Variants in ANKRD22 observed in about 807,000 individuals in gnomAD.
The protein encoded by ANKRD22 is ankyrin repeat domain-containing protein 22.
A neutral mutation model predicts 25.7 loss-of-function variants in ANKRD22; 24 were observed. The observed-to-expected ratio is 0.93, with a 90% CI of 0.68 to 1.31. ANKRD22 has a LOEUF of 1.31. Ranked by LOEUF, ANKRD22 falls within the 50% of genes most tolerant of loss-of-function variation. The pLI is 0.00. For missense variants in ANKRD22, 214 were observed against 227.1 expected (o/e 0.94, Z 0.37); for synonymous variants, 84 against 84.3 (o/e 1.00, Z 0.02).
At chr10:88,844,855 T>C (rs1413094122) in intron 1 of ANKRD22, among the ~76,000 whole-genome samples, 2 of 152,138 alleles carry the variant, frequency 1.3e-5, no homozygotes, top group Non-Finnish European at 2.9e-5. Context: ...AAATGACTTA[T>C]TTTTCCCCTT....
intron 1 of ANKRD22, among the ~76,000 whole-genome samples, chr10:88,847,638 T>C (rs1024123953): frequency 4.2e-5 from 6 of 143,276 alleles, no homozygotes; most frequent in African/African-American, 1.7e-4. Flanking sequence ...TTCTGTGTTA[T>C]AAGTATACAT....
chr10:88,839,968 C>T (rs780474880), intron 1 of ANKRD22, among the ~76,000 whole-genome samples: 3 of 152,130 alleles, frequency 2.0e-5, no homozygotes, highest in Non-Finnish European at 4.4e-5. Flanking sequence ...CCTGGTGATT[C>T]TGATGCACAG....
chr10:88,832,497 A>G (rs1843914913), intron 1 of ANKRD22, among the ~76,000 whole-genome samples: 1 of 151,678 alleles, frequency 6.6e-6, no homozygotes, highest in African/African-American at 2.4e-5. Context: ...ATCTTTAGTA[A>G]AGACAAAATG....
intron 1 of ANKRD22, among the ~76,000 whole-genome samples, chr10:88,847,415 C>T (rs1382465387): frequency 6.6e-6 from 1 of 152,072 alleles, no homozygotes; most frequent in African/African-American, 2.4e-5. Flanking sequence ...CATGCCTCCA[C>T]ACCCAGCTAA....
Position 88,820,052 on chromosome 10 carries a change from A to G in ANKRD22, c.*2889T>C, listed in dbSNP as rs1208830040. On this transcript the variant is annotated 3_prime_UTR_variant, in exon 6 of 6. Transcript: ENST00000371930. ...GAAGAAACTGAGGTTCAATAATGTT[A>G]AGTAATTTTACCTTAAAGTAAGGGC... is the stretch of plus-strand genomic sequence containing the variant. Among the ~76,000 whole-genome samples, 1 of 152,238 alleles carries G rather than the reference A, an allele frequency of 6.6e-6. No individual in the cohort carries two copies. Among genetic ancestry groups the G allele is most frequent in the Non-Finnish European group, 1.5e-5 (1 of 68,038 alleles).
At chr10:88,832,601 G>A (rs1409479850) in intron 1 of ANKRD22, among the ~76,000 whole-genome samples, 2 of 151,474 alleles carry the variant, frequency 1.3e-5, no homozygotes, top group South Asian at 2.1e-4. Flanking sequence ...GGAGTTTAGG[G>A]CAGTACTAGT....
At chr10:88,844,701 A>AT (rs34443633) in intron 1 of ANKRD22, among the ~76,000 whole-genome samples, 62,930 of 151,672 alleles carry the variant, frequency 0.41, 14,201 homozygotes, top group African/African-American at 0.61. Context: ...GATAATCTAG[A>AT]TTTCCTTTAA....
intron 1 of ANKRD22, among the ~76,000 whole-genome samples, chr10:88,843,579 G>C (rs1844022484): frequency 6.6e-6 from 1 of 152,106 alleles, no homozygotes; most frequent in Non-Finnish European, 1.5e-5. Context: ...GTGGACTTTA[G>C]GGTTCCAGGA....
intron 4 of ANKRD22, among the ~76,000 whole-genome samples, chr10:88,824,118 C>T (rs924659791): frequency 6.6e-6 from 1 of 152,238 alleles, no homozygotes; most frequent in Non-Finnish European, 1.5e-5. Flanking sequence ...GTCGGGTGCT[C>T]TTGCTGCAGG....
chr10:88,843,256 C>T (rs1844019194), intron 1 of ANKRD22, among the ~76,000 whole-genome samples: 1 of 152,142 alleles, frequency 6.6e-6, no homozygotes, highest in Admixed American at 6.6e-5. Context: ...AAGAAATTCT[C>T]ATTCACATAT....
chr10:88,820,425 T>G lies in ANKRD22; in HGVS notation c.*2516A>C. The G allele has an allele frequency of 1.9e-6, 3 of 1,552,122 alleles. No homozygotes were observed. In the South Asian group the frequency reaches 3.6e-5, roughly 18 times the overall value. ...TGGGGTTTGGATGCTCCTCACCGTA[T>G]GTACAATGAAATCATCCATCTGATG... On this transcript the variant is annotated 3_prime_UTR_variant, in exon 6 of 6. Coordinates refer to ENST00000371930, the MANE Select transcript of ANKRD22 (RefSeq NM_144590.3).
chr10:88,843,901 A>C (rs1441474102), intron 1 of ANKRD22, among the ~76,000 whole-genome samples: 1 of 152,314 alleles, frequency 6.6e-6, no homozygotes. Context: ...GGAAGCTATC[A>C]TTATACCTTT....
At position 88,835,122 on chromosome 10, in the gene ANKRD22, G is replaced by A. The variant is rs76736372; in HGVS notation, c.22-3096C>T. Among the ~76,000 whole-genome samples the A allele has an allele frequency of 9.9e-3, 1,505 of 152,082 alleles. 23 individuals are homozygous for A. Among genetic ancestry groups the A allele is most frequent in the African/African-American group, 0.033 (1,384 of 41,462 alleles). Reference sequence around the variant, plus strand: ...CCTGCCTGGTAACATAGACCTCCAGGAGCTCTCTGCTTAGGCTTCTCAAAG... The same window carrying A: ...CCTGCCTGGTAACATAGACCTCCAGAAGCTCTCTGCTTAGGCTTCTCAAAG... On this transcript the variant is annotated intron_variant, in intron 1 of 5. Coordinates refer to ENST00000371930, the MANE Select transcript of ANKRD22 (RefSeq NM_144590.3).
rs188143746 is a variant in ANKRD22, at chr10:88,820,158, T to A, written c.*2783A>T. On this transcript the variant is annotated 3_prime_UTR_variant, in exon 6 of 6. Transcript: ENST00000371930. ...CACAACAGATGGCATGTTTATTATG[T>A]CTATTTGAAACATAAATTATGAGCC... 4.9e-6 allele frequency: 6 copies of A among 1,230,476 alleles called. No homozygotes were observed. In the Admixed American group the frequency reaches 1.4e-4, roughly 29 times the overall value. 76.2% of individuals were successfully genotyped at this position (1,230,476 alleles called of 1,614,324 possible).
At chr10:88,836,317 G>A (rs1282131782) in intron 1 of ANKRD22, among the ~76,000 whole-genome samples, 1 of 152,196 alleles carries the variant, frequency 6.6e-6, no homozygotes, top group African/African-American at 2.4e-5. Context: ...CCATAACATA[G>A]TGCCTGGCAC....
rs1169706750 is a variant in ANKRD22 at position 88,820,628 on chromosome 10, C to T, written c.*2313G>A. 18 of 876,542 alleles carry T rather than the reference C, an allele frequency of 2.1e-5. No individual in the cohort carries two copies. Among genetic ancestry groups the T allele is most frequent in the Admixed American group, 3.0e-5 (1 of 33,104 alleles). 54.3% of individuals were successfully genotyped at this position (876,542 alleles called of 1,614,324 possible). A position where few individuals can be genotyped will look rare whatever the true frequency, so the allele number is the denominator to read the frequency against. On this transcript the variant is annotated 3_prime_UTR_variant, in exon 6 of 6. Transcript: ENST00000371930. ...GATTCCCTGCACTTGGCACTAAATC[C>T]GACACTTACATTTACATTTTTTTTC...
Position 88,851,737 on chromosome 10 carries a change from G to T in ANKRD22, c.-130C>A. On this transcript the variant is annotated 5_prime_UTR_variant, in exon 1 of 6. The change creates a new upstream start codon in the 5' untranslated region. Transcript: ENST00000371930. ...AAGTCCAAGCTGGTGGCAAGCTCCA[G>T]GAGTGCTTTTCTAGCAAACACCTGT... 9.6e-7 allele frequency: 1 copy of T among 1,045,090 alleles called. No individual in the cohort carries two copies. The highest frequency in any genetic ancestry group is 1.5e-6 in the Non-Finnish European group (1 of 681,120). 64.7% of individuals were successfully genotyped at this position (1,045,090 alleles called of 1,614,324 possible). A position where few individuals can be genotyped will look rare whatever the true frequency, so the allele number is the denominator to read the frequency against.
intron 1 of ANKRD22, among the ~76,000 whole-genome samples, chr10:88,836,467 T>C (rs1385429563): frequency 6.6e-6 from 1 of 152,208 alleles, no homozygotes; most frequent in Admixed American, 6.5e-5. Context: ...ATATACCTGT[T>C]TTGCACAGAT....
intron 1 of ANKRD22, among the ~76,000 whole-genome samples, chr10:88,833,202 C>T (rs946615176): frequency 2.0e-5 from 3 of 152,062 alleles, no homozygotes; most frequent in Non-Finnish European, 4.4e-5. Flanking sequence ...GCATTCAACA[C>T]AGCACTCAGC....
Sources: allele counts gnomAD v4.1 joint callset (sites outside exome capture counted in the v4.1 genomes callset), GRCh38; gene constraint gnomAD v4.1.1; transcripts MANE v1.5; gene names NCBI Gene and HGNC (gene_info 2026-07-23, HGNC 2026-07-21).